The following ZNF385D variants were observed in gnomAD, a reference collection of about 807,000 sequenced individuals.
ZNF385D encodes zinc finger protein 659.
In ZNF385D, 15 loss-of-function variants were observed where a neutral mutation model predicts 35.8. That is an observed-to-expected ratio of 0.42 (90% CI 0.28 to 0.64). The LOEUF (loss-of-function observed/expected upper bound fraction) is 0.64. Among genes scored for constraint, ZNF385D ranks in the 30% least tolerant of loss-of-function variants. The probability of loss-of-function intolerance (pLI) is 0.23; values close to 1 mark genes in which losing one functional copy is unlikely to be tolerated. For synonymous variants in ZNF385D, 212 were observed against 186.8 expected (o/e 1.13, Z -1.10); for missense variants, 474 against 494.6 (o/e 0.96, Z 0.39).
intron 3 of ZNF385D, among the ~76,000 whole-genome samples, chr3:22,151,723 A>G (rs1395288617): frequency 1.3e-5 from 2 of 152,162 alleles, no homozygotes; most frequent in African/African-American, 2.4e-5. Flanking sequence ...ATCTCTTCCA[A>G]TAAACACCTT....
chr3:22,339,437 GATTA>G (rs1695323610), intron 2 of ZNF385D, among the ~76,000 whole-genome samples: 1 of 152,102 alleles, frequency 6.6e-6, no homozygotes, highest in African/African-American at 2.4e-5. Flanking sequence ...AATATTTAAA[GATTA>G]ATTAGCCACA....
At chr3:22,002,453 G>T (rs1275691422) in intron 3 of ZNF385D, among the ~76,000 whole-genome samples, 2 of 152,146 alleles carry the variant, frequency 1.3e-5, no homozygotes, top group South Asian at 2.1e-4. Context: ...TTCCAGAAAA[G>T]AAAATCCTAG....
intron 3 of ZNF385D, among the ~76,000 whole-genome samples, chr3:21,911,828 G>T (rs1166007092): frequency 6.6e-6 from 1 of 151,760 alleles, no homozygotes; most frequent in Non-Finnish European, 1.5e-5. Flanking sequence ...TTAGACAAGT[G>T]GTGCTTTATA....
At chr3:22,195,632 G>T (rs1696362250) in intron 2 of ZNF385D, among the ~76,000 whole-genome samples, 1 of 151,910 alleles carries the variant, frequency 6.6e-6, no homozygotes, top group Non-Finnish European at 1.5e-5. Flanking sequence ...TTTCAAAAAT[G>T]ACTATACTTT....
rs1294913586 is a variant in ZNF385D, at chr3:21,666,209, CA to C, written c.23-1182del. Reference sequence around the variant, plus strand: ...TTGCCCTCAATCAGTTACCAGAGCGCAAAATTAACATTCTGAAAATGATTCC... The same window carrying C: ...TTGCCCTCAATCAGTTACCAGAGCGCAAATTAACATTCTGAAAATGATTCC... On this transcript the variant is annotated intron_variant, in intron 1 of 7. Coordinates refer to ENST00000281523, the MANE Select transcript of ZNF385D (RefSeq NM_024697.3). Among the ~76,000 whole-genome samples the C allele has an allele frequency of 2.0e-5, 3 of 152,156 alleles. No individual in the cohort carries two copies. In the East Asian group the frequency reaches 5.8e-4, roughly 29 times the overall value.
At chr3:22,121,766 T>C (rs1703101548) in intron 3 of ZNF385D, among the ~76,000 whole-genome samples, 1 of 152,020 alleles carries the variant, frequency 6.6e-6, no homozygotes, top group African/African-American at 2.4e-5. Flanking sequence ...TTTCCCTTTC[T>C]CTTGGGTTTC....
chr3:22,140,533 A>C (rs1704443156), intron 3 of ZNF385D, among the ~76,000 whole-genome samples: 1 of 152,098 alleles, frequency 6.6e-6, no homozygotes, highest in Non-Finnish European at 1.5e-5. Context: ...TACCCCCCCA[A>C]AAACATGTAA....
At chr3:22,138,256 G>C (rs1227186840) in intron 3 of ZNF385D, among the ~76,000 whole-genome samples, 4 of 152,154 alleles carry the variant, frequency 2.6e-5, no homozygotes, top group African/African-American at 9.7e-5. Flanking sequence ...GCAATTTATA[G>C]ATTCAATGCC....
intron 2 of ZNF385D, among the ~76,000 whole-genome samples, chr3:22,297,518 G>T (rs1436367932): frequency 6.6e-6 from 1 of 152,028 alleles, no homozygotes; most frequent in South Asian, 2.1e-4. Context: ...AGGGGGCATG[G>T]CTGAAGTGGG....
intron 3 of ZNF385D, among the ~76,000 whole-genome samples, chr3:21,835,498 G>C (rs1051126945): frequency 6.8e-6 from 1 of 147,902 alleles, no homozygotes; most frequent in Non-Finnish European, 1.5e-5. Flanking sequence ...TGATTCACAG[G>C]GTGGATCAAA....
chr3:21,616,238 A>C (rs899896511), intron 2 of ZNF385D, among the ~76,000 whole-genome samples: 4 of 152,202 alleles, frequency 2.6e-5, no homozygotes, highest in Non-Finnish European at 4.4e-5. Context: ...ATGAGAACAC[A>C]CAATATCAGG....
intron 3 of ZNF385D, among the ~76,000 whole-genome samples, chr3:21,527,511 C>T (rs1455434206): frequency 2.0e-5 from 3 of 152,076 alleles, no homozygotes; most frequent in Non-Finnish European, 2.9e-5. Flanking sequence ...CATCAAATTA[C>T]TGAATAGAAT....
intron 1 of ZNF385D, among the ~76,000 whole-genome samples, chr3:21,734,064 T>C (rs1304015528): frequency 6.6e-6 from 1 of 152,224 alleles, no homozygotes; most frequent in East Asian, 1.9e-4. Flanking sequence ...CTTATGTTTC[T>C]TCTTTCAGAT....
intron 2 of ZNF385D, among the ~76,000 whole-genome samples, chr3:22,340,901 T>G (rs1189492536): frequency 1.3e-5 from 2 of 152,242 alleles, no homozygotes; most frequent in Non-Finnish European, 2.9e-5. Context: ...AATTCTTTGC[T>G]GTGCTACCAG....
At chr3:21,796,189 C>T (rs752516341) in intron 3 of ZNF385D, among the ~76,000 whole-genome samples, 12 of 152,182 alleles carry the variant, frequency 7.9e-5, no homozygotes, top group Admixed American at 2.6e-4. Flanking sequence ...GAGAACCTCA[C>T]TGCTGCAGTA....
intron 4 of ZNF385D, among the ~76,000 whole-genome samples, chr3:21,456,658 T>C (rs969377956): frequency 5.3e-5 from 8 of 152,064 alleles, no homozygotes; most frequent in African/African-American, 7.2e-5. Flanking sequence ...ATGGGTGCAG[T>C]ACACCAACAT....
chr3:21,994,115 G>A (rs1320785323), intron 3 of ZNF385D, among the ~76,000 whole-genome samples: 1 of 152,110 alleles, frequency 6.6e-6, no homozygotes, highest in Non-Finnish European at 1.5e-5. Context: ...CTCTTACTGG[G>A]ATATGGTTTT....
At chr3:21,820,113 T>C (rs371371017) in intron 3 of ZNF385D, among the ~76,000 whole-genome samples, 1 of 151,686 alleles carries the variant, frequency 6.6e-6, no homozygotes, top group Non-Finnish European at 1.5e-5. Context: ...TTAATAAGCT[T>C]TATCTAATGG....
At chr3:21,425,799 T>A in intron 5 of ZNF385D, 129 bp from the exon 6 acceptor site, 1 of 743,464 alleles carries the variant, frequency 1.3e-6, no homozygotes, top group Non-Finnish European at 1.9e-6. Context: ...TAACAAAATC[T>A]GATGCCTCAT....
Sources: gnomAD v4.1 joint callset for allele counts (sites outside exome capture counted in the v4.1 genomes callset) on GRCh38, gnomAD v4.1.1 for gene constraint, MANE v1.5 for transcripts, NCBI Gene and HGNC (gene_info 2026-07-23, HGNC 2026-07-21) for gene names.